Variants in ELMOD3 observed in about 807,000 individuals in gnomAD.
ELMOD3 encodes the protein ELMO domain containing 3.
ELMOD3 carries 36 observed loss-of-function variants against 47.4 expected under a neutral mutation model. The observed-to-expected ratio is 0.76, with a 90% CI of 0.58 to 1.00. The LOEUF (loss-of-function observed/expected upper bound fraction) is 1.00, where lower values mean the gene tolerates loss of function less well. ELMOD3 is among the 50% of genes least tolerant of loss of function. The pLI, the probability that ELMOD3 is intolerant of heterozygous loss-of-function variation, is 0.00. For synonymous variants in ELMOD3, 149 were observed against 183.5 expected, an observed-to-expected ratio of 0.81 and a Z score of 1.52; for missense variants, 404 against 463.8, an observed-to-expected ratio of 0.87 and a Z score of 1.18.
chr2:85,358,379 T>A (rs546246319), intron 4 of ELMOD3, among the ~76,000 whole-genome samples: 8 of 152,150 alleles, frequency 5.3e-5, no homozygotes, highest in African/African-American at 1.9e-4. Context: ...GTTACTGGAC[T>A]TAGAGGTGTG....
intron 6 of ELMOD3, among the ~76,000 whole-genome samples, chr2:85,364,933 G>A (rs1385590117): frequency 1.4e-5 from 2 of 145,552 alleles, no homozygotes; most frequent in African/African-American, 2.5e-5. Flanking sequence ...GAACTCCTGG[G>A]CTCCAGCTGG....
At chr2:85,359,478 G>T (rs1683792875) in intron 4 of ELMOD3, among the ~76,000 whole-genome samples, 1 of 149,806 alleles carries the variant, frequency 6.7e-6, no homozygotes, top group African/African-American at 2.5e-5. Context: ...CGCGATCTCG[G>T]CTCACTGCAC....
intron 10 of ELMOD3, among the ~76,000 whole-genome samples, chr2:85,373,596 C>T (rs139452523): frequency 0.096 from 14,606 of 151,728 alleles, 753 homozygotes; most frequent in South Asian, 0.16. Flanking sequence ...ATCCCAGCAC[C>T]TTGGGAGGCC....
rs559281998 is a variant in ELMOD3, at chr2:85,370,218, A to T, written c.360+388A>T. On this transcript the variant is annotated intron_variant, in intron 8 of 13. Transcript: ENST00000409013. ...GGAACCAGAAGCTATTTAGGAATTTAAGAAAGATATAAGCTGGAAAAAGAA... is the reference window on the plus strand; with the variant it reads ...GGAACCAGAAGCTATTTAGGAATTTTAGAAAGATATAAGCTGGAAAAAGAA... Among the ~76,000 whole-genome samples, 8 of 152,238 alleles carry T rather than the reference A, an allele frequency of 5.3e-5. No individual in the cohort carries two copies. The South Asian group carries it at 1.7e-3, about 32-fold the overall frequency.
At chr2:85,367,173 T>G (rs1436252701) in intron 6 of ELMOD3, among the ~76,000 whole-genome samples, 5 of 152,226 alleles carry the variant, frequency 3.3e-5, no homozygotes, top group Admixed American at 3.3e-4. Flanking sequence ...AAACCTGCCC[T>G]CATGTAGCTC....
At chr2:85,356,278 G>C (rs989158697) in intron 3 of ELMOD3, 4 of 152,282 alleles carry the variant, frequency 2.6e-5, no homozygotes, top group African/African-American at 9.6e-5. Context: ...GTTGGAACCA[G>C]GTCTAGTATT....
intron 10 of ELMOD3, among the ~76,000 whole-genome samples, chr2:85,375,379 T>C (rs1685100183): frequency 6.6e-6 from 1 of 152,248 alleles, no homozygotes. Context: ...ATTTTGGTTT[T>C]TGTTTTTCTG....
In ELMOD3 at chr2:85,382,739, C is replaced by T. The variant is rs139439662; in HGVS notation, c.738+5265C>T. 7.5e-3 allele frequency among the ~76,000 whole-genome samples: 1,145 copies of T among 152,174 alleles called. 9 individuals are homozygous for T. Among genetic ancestry groups the T allele is most frequent in the Admixed American group, 0.013 (193 of 15,292 alleles). Reference sequence around the variant, plus strand: ...CTATGTTGAACAGGCTGGTCTCGAACTCTGGACCTCAGGTGATCCACACGC... The same window carrying T: ...CTATGTTGAACAGGCTGGTCTCGAATTCTGGACCTCAGGTGATCCACACGC... On this transcript the variant is annotated intron_variant, in intron 11 of 13. Transcript: ENST00000409013.
intron 7 of ELMOD3, among the ~76,000 whole-genome samples, chr2:85,369,407 A>G: frequency 6.6e-6 from 1 of 152,124 alleles, no homozygotes; most frequent in Non-Finnish European, 1.5e-5. Context: ...CCCTTAAACA[A>G]ACTGGTTGCA....
chr2:85,369,862 C>A lies in ELMOD3; in HGVS notation c.360+32C>A, dbSNP rs371610953. ...GGGTAGCAGGGTTTGGAGTCTCAAG[C>A]AAAGTGCCTTTTCCCTAGGAGCCAA... On this transcript the variant is annotated intron_variant, in intron 8 of 13. Transcript: ENST00000409013. 3.1e-6 allele frequency: 5 copies of A among 1,610,188 alleles called. No homozygotes were observed. In the African/African-American group the frequency reaches 5.3e-5, roughly 17 times the overall value.
intron 4 of ELMOD3, among the ~76,000 whole-genome samples, chr2:85,359,517 C>T (rs1683795950): frequency 6.7e-6 from 1 of 150,288 alleles, no homozygotes; most frequent in Non-Finnish European, 1.5e-5. Context: ...AAATGATTCT[C>T]CTGCCTCAGC....
At chr2:85,377,570 G>A in intron 11 of ELMOD3, 96 bp downstream of exon 11, 1 of 1,332,926 alleles carries the variant, frequency 7.5e-7, no homozygotes, top group Non-Finnish European at 1.0e-6. Context: ...GATAAACCAG[G>A]AATGGGCTTC....
In ELMOD3 at chr2:85,384,285, T is replaced by C. The variant is rs562835414; in HGVS notation, c.739-5466T>C. On this transcript the variant is annotated intron_variant, in intron 11 of 13. Transcript: ENST00000409013. ...TTGTTTTCACAATAGAAACTTCAGC[T>C]GGCTCATTGGGAAAATTAGAGACAA... is the stretch of plus-strand genomic sequence containing the variant. Among the ~76,000 whole-genome samples, 33 of 152,388 alleles carry C rather than the reference T, an allele frequency of 2.2e-4. No individual in the cohort carries two copies. The South Asian group carries it at 6.8e-3, about 32-fold the overall frequency.
Position 85,357,132 on chromosome 2 carries a change from C to A in ELMOD3, c.-67C>A. Reference sequence around the variant, plus strand: ...TCTGGCTCTCCACATAGCTTCTGATCTCAGACCTTACTAAAATGCTTTCTG... The same window carrying A: ...TCTGGCTCTCCACATAGCTTCTGATATCAGACCTTACTAAAATGCTTTCTG... On this transcript the variant is annotated 5_prime_UTR_variant, in exon 4 of 14. Coordinates refer to ENST00000409013, the MANE Select transcript of ELMOD3 (RefSeq NM_001135022.2). The A allele has an allele frequency of 1.7e-6, 2 of 1,158,928 alleles. No individual in the cohort carries two copies. Among genetic ancestry groups the A allele is most frequent in the East Asian group, 2.4e-5 (1 of 41,648 alleles). The allele number at this position is 1,158,928 out of a possible 1,614,324, so 71.8% of individuals were successfully genotyped here. A position where few individuals can be genotyped will look rare whatever the true frequency, so the allele number is the denominator to read the frequency against.
chr2:85,387,580 T>C (rs1310494152), intron 11 of ELMOD3, among the ~76,000 whole-genome samples: 2 of 147,740 alleles, frequency 1.4e-5, no homozygotes, highest in Non-Finnish European at 3.0e-5. Flanking sequence ...GAAAATCCCT[T>C]GAACCCAGGA....
At chr2:85,355,336 G>A (rs1284656074) in intron 2 of ELMOD3, 166 bp downstream of exon 2, 2 of 152,216 alleles carry the variant, frequency 1.3e-5, no homozygotes, top group Non-Finnish European at 1.5e-5. Context: ...TCAGCTAAGG[G>A]CCCATCTAAT....
At position 85,376,597 on chromosome 2, in the gene ELMOD3, C is replaced by T. The variant is rs1325837040; in HGVS notation, c.608-747C>T. 1.3e-5 allele frequency among the ~76,000 whole-genome samples: 2 copies of T among 152,198 alleles called. No homozygotes were observed. Among genetic ancestry groups the T allele is most frequent in the South Asian group, 2.1e-4 (1 of 4,834 alleles). On this transcript the variant is annotated intron_variant, in intron 10 of 13. Transcript: ENST00000409013. The surrounding 1 kb of genome is among the most constrained non-coding windows in gnomAD (Gnocchi z 4.2). ...CTTCTCTGACGCTACCCTTGTGGAG[C>T]TAAGGGGTGCCTTGATACAGTTAGG...
At chr2:85,378,761 C>T (rs1390973985) in intron 11 of ELMOD3, among the ~76,000 whole-genome samples, 1 of 152,146 alleles carries the variant, frequency 6.6e-6, no homozygotes, top group East Asian at 1.9e-4. Context: ...CATTTTCCCC[C>T]TTTTCTTTTT....
rs1685230686 is a variant in ELMOD3, at chr2:85,377,363, C to A, written c.627C>A (p.Asp209Glu). Residue 209 changes from aspartate to glutamate, a missense_variant, in exon 11 of 14, where the codon GAC becomes GAA. By Grantham distance (45) the Asp-to-Glu change is conservative (BLOSUM62 2). Coordinates refer to ENST00000409013, the MANE Select transcript of ELMOD3 (RefSeq NM_001135022.2). ...TTACAGGAGCGAATCCAGCCACAGACCTGAGAGGCGCAGGCTTCCTTGCCC... is the reference window on the plus strand; with the variant it reads ...TTACAGGAGCGAATCCAGCCACAGAACTGAGAGGCGCAGGCTTCCTTGCCC... ...LGFQGANPAT[D>E]LRGAGFLALL... 6.2e-7 allele frequency: 1 copy of A among 1,606,930 alleles called. No homozygotes were observed. Among genetic ancestry groups the A allele is most frequent in the Non-Finnish European group, 8.5e-7 (1 of 1,176,474 alleles).
Sources: gnomAD v4.1 joint callset for allele counts (sites outside exome capture counted in the v4.1 genomes callset) on GRCh38, gnomAD v4.1.1 for gene constraint, Gnocchi (gnomAD v3.1) non-coding constraint, MANE v1.5 for transcripts, NCBI Gene and HGNC (gene_info 2026-07-23, HGNC 2026-07-21) for gene names.